Variants in PTPRD observed in about 807,000 individuals in gnomAD.
PTPRD encodes receptor-type tyrosine-protein phosphatase delta.
Under a neutral mutation model 214.5 loss-of-function variants are expected in PTPRD, and 34 were observed. The ratio of observed to expected loss-of-function variants is 0.16; its 90% confidence interval spans 0.12 to 0.21. PTPRD has a LOEUF of 0.21. Ranked by LOEUF, PTPRD falls within the 10% of genes least tolerant of loss-of-function variation. The pLI, the probability that PTPRD is intolerant of heterozygous loss-of-function variation, is 1.00. For missense variants in PTPRD, 2,545 were observed against 2,398.7 expected (o/e 1.06, Z -1.27); for synonymous variants, 1,128 against 845.7 (o/e 1.33, Z -5.79).
intron 12 of PTPRD, among the ~76,000 whole-genome samples, chr9:8,683,514 C>A (rs1046392048): frequency 1.3e-5 from 2 of 152,132 alleles, no homozygotes; most frequent in African/African-American, 4.8e-5. Flanking sequence ...CAGCTCCAAC[C>A]TGACTCTCAG....
chr9:8,990,254 C>T (rs2099361136), intron 11 of PTPRD, among the ~76,000 whole-genome samples: 3 of 152,112 alleles, frequency 2.0e-5, no homozygotes, highest in African/African-American at 7.2e-5. Flanking sequence ...ACTAAAGGAG[C>T]AAGGGTCCCA....
At chr9:9,659,859 T>C (rs550403105) in intron 7 of PTPRD, among the ~76,000 whole-genome samples, 2 of 152,162 alleles carry the variant, frequency 1.3e-5, no homozygotes, top group African/African-American at 4.8e-5. Context: ...GAATAACCTA[T>C]TCTACTTTGG....
At chr9:9,900,171 C>G (rs1456771452) in intron 5 of PTPRD, among the ~76,000 whole-genome samples, 4 of 152,176 alleles carry the variant, frequency 2.6e-5, no homozygotes, top group African/African-American at 9.7e-5. Flanking sequence ...ACCACATGCC[C>G]AGGCTGCAGA....
At chr9:9,598,749 C>G (rs1248546018) in intron 7 of PTPRD, among the ~76,000 whole-genome samples, 11 of 152,018 alleles carry the variant, frequency 7.2e-5, no homozygotes, top group African/African-American at 2.7e-4. Flanking sequence ...CTTTCCCTCA[C>G]TTGTCCCATA....
chr9:9,737,870 C>T (rs180862363), intron 6 of PTPRD, among the ~76,000 whole-genome samples: 2 of 152,256 alleles, frequency 1.3e-5, no homozygotes, highest in East Asian at 3.9e-4. Context: ...TCAGGGTCAT[C>T]TGGTAATTCT....
chr9:9,500,896 CT>C (rs1388187258), intron 8 of PTPRD, among the ~76,000 whole-genome samples: 1 of 151,910 alleles, frequency 6.6e-6, no homozygotes, highest in Non-Finnish European at 1.5e-5. Context: ...TGTTTTTATA[CT>C]ACTCTATTTT....
At chr9:10,430,379 T>A (rs1469300534) in intron 2 of PTPRD, among the ~76,000 whole-genome samples, 1 of 151,956 alleles carries the variant, frequency 6.6e-6, no homozygotes, top group African/African-American at 2.4e-5. Context: ...ATTTAAATAA[T>A]GGTTAAATTA....
intron 7 of PTPRD, among the ~76,000 whole-genome samples, chr9:9,630,439 C>T (rs1015389043): frequency 1.3e-5 from 2 of 152,132 alleles, no homozygotes; most frequent in Admixed American, 1.3e-4. Flanking sequence ...CCTTCTACTT[C>T]GAGTCCCTGA....
chr9:8,359,106 T>TCAAAAAAAAAAAAAAA (rs1160676213), intron 39 of PTPRD, among the ~76,000 whole-genome samples: 1 of 29,264 alleles, frequency 3.4e-5, no homozygotes, highest in African/African-American at 3.2e-4. Context: ...AGACTCCGTC[T>TCAAAAAAAAAAAAAAA]CAAAAAAAAA....
At chr9:8,477,733 G>C (rs183223145) in intron 30 of PTPRD, among the ~76,000 whole-genome samples, 2 of 152,134 alleles carry the variant, frequency 1.3e-5, no homozygotes, top group Admixed American at 1.3e-4. Context: ...GTCACTCTTA[G>C]TTCTAAGGTT....
At chr9:9,933,144 C>A (rs904828650) in intron 5 of PTPRD, among the ~76,000 whole-genome samples, 4 of 152,192 alleles carry the variant, frequency 2.6e-5, no homozygotes, top group South Asian at 2.1e-4. Context: ...TAAAGACCAT[C>A]GAGACTAGGA....
intron 9 of PTPRD, among the ~76,000 whole-genome samples, chr9:9,367,865 A>G (rs2058315601): frequency 6.6e-6 from 1 of 151,738 alleles, no homozygotes; most frequent in Non-Finnish European, 1.5e-5. Flanking sequence ...TGTTCCTAGA[A>G]TAAGATAATA....
intron 8 of PTPRD, among the ~76,000 whole-genome samples, chr9:9,570,827 A>C (rs1461690797): frequency 6.6e-6 from 1 of 151,564 alleles, no homozygotes; most frequent in East Asian, 1.9e-4. Flanking sequence ...TCTGAAACAA[A>C]TCCCAAGCTC....
At chr9:10,404,083 G>A (rs1423830206) in intron 2 of PTPRD, among the ~76,000 whole-genome samples, 3 of 151,714 alleles carry the variant, frequency 2.0e-5, no homozygotes, top group Non-Finnish European at 4.4e-5. Context: ...CCATGCATAC[G>A]TGAAGGTAGA....
chr9:9,985,464 C>T (rs1350088212), intron 4 of PTPRD, among the ~76,000 whole-genome samples: 1 of 151,940 alleles, frequency 6.6e-6, no homozygotes, highest in African/African-American at 2.4e-5. Context: ...TGGGGCCATG[C>T]CATATAATCT....
chr9:10,255,410 C>G (rs2093174129), intron 3 of PTPRD, among the ~76,000 whole-genome samples: 1 of 152,098 alleles, frequency 6.6e-6, no homozygotes, highest in Non-Finnish European at 1.5e-5. Flanking sequence ...GTTTGTGCAT[C>G]TAAACATATT....
chr9:9,983,985 C>G (rs1245014902), intron 4 of PTPRD, among the ~76,000 whole-genome samples: 1 of 151,922 alleles, frequency 6.6e-6, no homozygotes, highest in Non-Finnish European at 1.5e-5. Flanking sequence ...CTTTGTCAAC[C>G]TGTAATTGAA....
At chr9:8,748,155 C>A (rs940708055) in intron 11 of PTPRD, among the ~76,000 whole-genome samples, 1 of 152,148 alleles carries the variant, frequency 6.6e-6, no homozygotes, top group Non-Finnish European at 1.5e-5. Context: ...TGTCAGCCAA[C>A]CTCCCCAACA....
chr9:9,379,735 TA>T (rs2061679707), intron 9 of PTPRD, among the ~76,000 whole-genome samples: 2 of 152,126 alleles, frequency 1.3e-5, no homozygotes, highest in African/African-American at 4.8e-5. Flanking sequence ...GTTTTCCTCA[TA>T]TAGATCATTT....
Sources: allele counts gnomAD v4.1 joint callset (sites outside exome capture counted in the v4.1 genomes callset), GRCh38; gene constraint gnomAD v4.1.1; transcripts MANE v1.5; gene names NCBI Gene and HGNC (gene_info 2026-07-23, HGNC 2026-07-21).